FNBP1: variants seen among roughly 807,000 people sequenced by gnomAD.
The protein encoded by FNBP1 is formin binding protein 1.
In FNBP1, 26 loss-of-function variants were observed where a neutral mutation model predicts 90.6. The observed-to-expected ratio is 0.29, with a 90% CI of 0.21 to 0.40. The LOEUF (loss-of-function observed/expected upper bound fraction) is 0.40. Among genes scored for constraint, FNBP1 ranks in the 10% least tolerant of loss-of-function variants. The pLI is 1.00. For synonymous variants in FNBP1, 260 were observed against 265.2 expected (o/e 0.98, Z 0.19); for missense variants, 635 against 768.0 (o/e 0.83, Z 2.05).
intron 2 of FNBP1, among the ~76,000 whole-genome samples, chr9:129,980,078 C>T (rs973368130): frequency 1.3e-4 from 20 of 151,286 alleles, no homozygotes; most frequent in African/African-American, 4.4e-4. Context: ...ATCAGAGTGC[C>T]GGCCGGGCAC....
At chr9:129,948,305 T>G (rs2045638371) in intron 6 of FNBP1, among the ~76,000 whole-genome samples, 1 of 151,280 alleles carries the variant, frequency 6.6e-6, no homozygotes, top group African/African-American at 2.4e-5. Context: ...ACCTATTTAA[T>G]TTAATTTATT....
intron 2 of FNBP1, among the ~76,000 whole-genome samples, chr9:129,987,863 TTA>T (rs1264575889): frequency 1.1e-4 from 17 of 152,086 alleles, no homozygotes; most frequent in South Asian, 4.1e-4. Flanking sequence ...GTTTGTACTG[TTA>T]AATTTAAATT....
chr9:129,982,800 C>T (rs1403307961), intron 2 of FNBP1, among the ~76,000 whole-genome samples: 1 of 152,092 alleles, frequency 6.6e-6, no homozygotes, highest in Non-Finnish European at 1.5e-5. Flanking sequence ...GTAGCTAGGA[C>T]TACAGGTGCA....
At chr9:129,909,525 C>T (rs1250488199) in intron 11 of FNBP1, among the ~76,000 whole-genome samples, 1 of 151,918 alleles carries the variant, frequency 6.6e-6, no homozygotes, top group Non-Finnish European at 1.5e-5. Flanking sequence ...TGGGACATCA[C>T]ATTCCTCAGA....
chr9:129,916,006 G>A, intron 10 of FNBP1, 26 bp from the exon 11 acceptor site: 2 of 1,576,944 alleles, frequency 1.3e-6, no homozygotes, highest in Non-Finnish European at 1.7e-6. Flanking sequence ...GGAGAGGTAT[G>A]GGAAAAATAG....
intron 2 of FNBP1, among the ~76,000 whole-genome samples, chr9:129,989,464 G>A (rs531007046): frequency 5.9e-5 from 9 of 152,248 alleles, no homozygotes; most frequent in Non-Finnish European, 1.2e-4. Context: ...GTACCCTACC[G>A]ATTCACTCAC....
chr9:129,905,448 A>T (rs1011989675), intron 12 of FNBP1, among the ~76,000 whole-genome samples: 5 of 151,836 alleles, frequency 3.3e-5, no homozygotes, highest in Admixed American at 6.6e-5. Flanking sequence ...AGTAGCTGGG[A>T]CTACAGGCGC....
intron 4 of FNBP1, chr9:129,978,246 C>G: frequency 2.3e-6 from 1 of 435,170 alleles, no homozygotes; most frequent in Non-Finnish European, 4.1e-6. Context: ...GTCTCAAACT[C>G]CTCACTTTGT....
chr9:130,001,242 G>T (rs2054791027), intron 1 of FNBP1, among the ~76,000 whole-genome samples: 1 of 148,562 alleles, frequency 6.7e-6, no homozygotes. Flanking sequence ...TGAGATGGGA[G>T]AATTGCTTGA....
intron 11 of FNBP1, chr9:129,914,792 TA>T (rs2131671340): frequency 6.1e-6 from 1 of 163,920 alleles, no homozygotes; most frequent in African/African-American, 2.7e-5. Flanking sequence ...TATATATATA[TA>T]TCTCACCATA....
chr9:129,994,778 G>A (rs1475315567), intron 2 of FNBP1, 65 bp downstream of exon 2: 5 of 715,378 alleles, frequency 7.0e-6, no homozygotes, highest in Non-Finnish European at 9.6e-6. Flanking sequence ...ACTGTAAAAT[G>A]AGAATATACG....
rs76805631 is a variant in FNBP1, at chr9:130,038,902, A to G, written c.24+4050T>C. On this transcript the variant is annotated intron_variant, in intron 1 of 16. Coordinates refer to ENST00000446176, the MANE Select transcript of FNBP1 (RefSeq NM_015033.3). ...ATTACGAGGAAGGCTTAATTTTCCA[A>G]TGGATTTATTCATACTTCACACTAA... Among the ~76,000 whole-genome samples, 792 of 152,286 alleles carry G rather than the reference A, an allele frequency of 5.2e-3. 7 individuals carry two copies. The highest frequency in any genetic ancestry group is 0.018 in the African/African-American group (752 of 41,564).
chr9:129,938,540 T>C (rs2043842997), intron 6 of FNBP1, among the ~76,000 whole-genome samples: 1 of 148,564 alleles, frequency 6.7e-6, no homozygotes, highest in East Asian at 2.0e-4. Flanking sequence ...ATTTCCTGAC[T>C]CTTTTTTTTT....
intron 4 of FNBP1, among the ~76,000 whole-genome samples, chr9:129,973,835 G>A (rs971004122): frequency 1.4e-5 from 2 of 147,920 alleles, no homozygotes; most frequent in Admixed American, 6.8e-5. Flanking sequence ...TTTTGAGACA[G>A]GGTCTCACTC....
chr9:129,931,701 G>A (rs1312080119), intron 6 of FNBP1, among the ~76,000 whole-genome samples: 1 of 152,004 alleles, frequency 6.6e-6, no homozygotes, highest in Non-Finnish European at 1.5e-5. Context: ...GGGAGACTGA[G>A]GTGGGAGGAT....
chr9:129,903,688 G>A (rs1425663636), intron 12 of FNBP1, among the ~76,000 whole-genome samples: 2 of 151,892 alleles, frequency 1.3e-5, no homozygotes, highest in African/African-American at 4.8e-5. Flanking sequence ...CAGGTTATGA[G>A]ACTGGCTAAT....
At chr9:129,891,395 G>T (rs572189807) in intron 16 of FNBP1, among the ~76,000 whole-genome samples, 27 of 152,242 alleles carry the variant, frequency 1.8e-4, no homozygotes, top group African/African-American at 6.5e-4. Flanking sequence ...GCCCAGGGAG[G>T]TCGAGGCTGC....
intron 11 of FNBP1, among the ~76,000 whole-genome samples, chr9:129,914,757 CTATATATATATATATATA>C (rs756342214): frequency 6.4e-5 from 7 of 109,988 alleles, no homozygotes; most frequent in African/African-American, 1.5e-4. Context: ...ATACATATGT[CTATATATATATATATATA>C]TATATATATA....
intron 2 of FNBP1, among the ~76,000 whole-genome samples, chr9:129,989,846 T>C (rs1284839021): frequency 6.6e-6 from 1 of 152,144 alleles, no homozygotes; most frequent in Non-Finnish European, 1.5e-5. Context: ...AAGACCAGCA[T>C]GGGCAACATG....
Sources: allele counts gnomAD v4.1 joint callset (sites outside exome capture counted in the v4.1 genomes callset), GRCh38; gene constraint gnomAD v4.1.1; transcripts MANE v1.5; gene names NCBI Gene and HGNC (gene_info 2026-07-23, HGNC 2026-07-21).